The following KDM5B variants were observed in gnomAD, a reference collection of about 807,000 sequenced individuals.
KDM5B encodes lysine-specific demethylase 5B.
Under a neutral mutation model 193.4 loss-of-function variants are expected in KDM5B, and 144 were observed. The observed-to-expected ratio is 0.74, with a 90% CI of 0.65 to 0.86. The LOEUF is 0.86. Among genes scored for constraint, KDM5B ranks in the 40% least tolerant of loss-of-function variants. KDM5B has a pLI of 0.00. For missense variants in KDM5B, 1,833 were observed against 1,886.9 expected (o/e 0.97, Z 0.53); for synonymous variants, 668 against 682.6 (o/e 0.98, Z 0.33).
At chr1:202,801,689 C>G (rs1658082087) in intron 1 of KDM5B, among the ~76,000 whole-genome samples, 1 of 151,914 alleles carries the variant, frequency 6.6e-6, no homozygotes. Flanking sequence ...TGCAAGGACA[C>G]AGCAGTTAAT....
At chr1:202,789,004 C>T (rs1488867528) in intron 1 of KDM5B, among the ~76,000 whole-genome samples, 1 of 152,138 alleles carries the variant, frequency 6.6e-6, no homozygotes, top group Non-Finnish European at 1.5e-5. Context: ...AACACCCAAA[C>T]CTACCTGGGC....
At chr1:202,740,120 C>G (rs1572712079) in intron 20 of KDM5B, among the ~76,000 whole-genome samples, 1 of 149,890 alleles carries the variant, frequency 6.7e-6, no homozygotes, top group Non-Finnish European at 1.5e-5. Context: ...CCCCCCACCT[C>G]CCTCCCGGAC....
chr1:202,740,325 A>C (rs1572712462), intron 20 of KDM5B, among the ~76,000 whole-genome samples: 1 of 119,824 alleles, frequency 8.3e-6, no homozygotes. Context: ...GGCGCCCCTC[A>C]CCTCCCGGAC....
intron 1 of KDM5B, among the ~76,000 whole-genome samples, chr1:202,788,105 C>A (rs1435824604): frequency 6.6e-6 from 1 of 152,164 alleles, no homozygotes; most frequent in Admixed American, 6.5e-5. Context: ...ATTTAAAACA[C>A]AGCCCTTTCA....
intron 7 of KDM5B, 108 bp downstream of exon 7, chr1:202,762,591 T>C: frequency 1.4e-6 from 1 of 701,732 alleles, no homozygotes; most frequent in Non-Finnish European, 2.6e-6. Flanking sequence ...TTAAACAATC[T>C]TATTTAAGGT....
intron 14 of KDM5B, 190 bp from the exon 15 acceptor site, chr1:202,746,513 G>C (rs1039910256): frequency 2.1e-6 from 1 of 482,118 alleles, no homozygotes; most frequent in African/African-American, 1.9e-5. Flanking sequence ...CATTTGTCTA[G>C]GGAGATCTCC....
chr1:202,784,493 A>G (rs745417875), intron 1 of KDM5B, among the ~76,000 whole-genome samples: 5 of 152,232 alleles, frequency 3.3e-5, no homozygotes, highest in Non-Finnish European at 5.9e-5. Flanking sequence ...ACTTTAATAT[A>G]AAGATCAGAA....
At chr1:202,793,365 A>G (rs1040967499) in intron 1 of KDM5B, among the ~76,000 whole-genome samples, 8 of 152,200 alleles carry the variant, frequency 5.3e-5, no homozygotes, top group African/African-American at 1.9e-4. Flanking sequence ...TATCATTACT[A>G]TGGTTATATA....
At chr1:202,734,178 A>T (rs1655007129) in intron 22 of KDM5B, among the ~76,000 whole-genome samples, 1 of 152,036 alleles carries the variant, frequency 6.6e-6, no homozygotes, top group Non-Finnish European at 1.5e-5. Flanking sequence ...AGTTCTCAAA[A>T]AATCTGTCAC....
intron 11 of KDM5B, among the ~76,000 whole-genome samples, chr1:202,753,829 C>G (rs1277528677): frequency 6.6e-6 from 1 of 151,962 alleles, no homozygotes; most frequent in Non-Finnish European, 1.5e-5. Context: ...ACCACCATGC[C>G]CAGCTAATTT....
At chr1:202,761,191 A>T (rs577447737) in intron 7 of KDM5B, among the ~76,000 whole-genome samples, 4 of 152,206 alleles carry the variant, frequency 2.6e-5, no homozygotes, top group African/African-American at 9.6e-5. Context: ...CTGTAATCCC[A>T]ACACTTTTGG....
intron 1 of KDM5B, among the ~76,000 whole-genome samples, chr1:202,795,378 G>A (rs1353714934): frequency 3.3e-5 from 5 of 152,084 alleles, no homozygotes; most frequent in South Asian, 2.1e-4. Flanking sequence ...GAAGCTGGGC[G>A]CAGTGGCTCA....
intron 13 of KDM5B, among the ~76,000 whole-genome samples, chr1:202,749,470 T>C (rs1262200809): frequency 2.0e-5 from 3 of 152,030 alleles, no homozygotes; most frequent in African/African-American, 4.8e-5. Context: ...TGTGGAAGGA[T>C]TGCTTGAGCC....
rs779096495 is a variant in KDM5B, at chr1:202,733,857, C to T, written c.3453G>A (p.Arg1151=). ...AMATLGEARL[R]EMEALQSLRL... The stretch of plus-strand genomic sequence containing the variant: ...TGAGAGACTGCAAGGCTTCCATTTC[C>T]CTTAGGCGAGCTTCCCCAAGAGTTG... Residue 1151 remains arginine, a synonymous_variant, in exon 23 of 27, where the codon AGG becomes AGA. Coordinates refer to ENST00000367265, the MANE Select transcript of KDM5B (RefSeq NM_006618.5). The T allele has an allele frequency of 5.0e-6, 8 of 1,612,178 alleles. No homozygotes were observed. In the South Asian group the frequency reaches 6.6e-5, roughly 13 times the overall value.
At chr1:202,739,248 A>T (rs2102227296) in intron 20 of KDM5B, among the ~76,000 whole-genome samples, 1 of 152,324 alleles carries the variant, frequency 6.6e-6, no homozygotes, top group African/African-American at 2.4e-5. Context: ...TTGTTATGAA[A>T]GACTCCCCAG....
At chr1:202,760,015 C>A (rs978871062) in intron 8 of KDM5B, among the ~76,000 whole-genome samples, 7 of 152,174 alleles carry the variant, frequency 4.6e-5, no homozygotes, top group African/African-American at 1.7e-4. Context: ...ACTGCCAAAT[C>A]TAAAACCCAA....
At chr1:202,761,191 A>G (rs577447737) in intron 7 of KDM5B, among the ~76,000 whole-genome samples, 1 of 152,324 alleles carries the variant, frequency 6.6e-6, no homozygotes, top group Non-Finnish European at 1.5e-5. Flanking sequence ...CTGTAATCCC[A>G]ACACTTTTGG....
intron 21 of KDM5B, among the ~76,000 whole-genome samples, chr1:202,735,890 T>TA (rs1304122320): frequency 6.6e-6 from 1 of 152,182 alleles, no homozygotes; most frequent in Non-Finnish European, 1.5e-5. Flanking sequence ...AAAGCACTTT[T>TA]AAAAAATGGG....
At chr1:202,762,544 C>T (rs1163418287) in intron 7 of KDM5B, among the ~76,000 whole-genome samples, 155 bp downstream of exon 7, 1 of 152,144 alleles carries the variant, frequency 6.6e-6, no homozygotes, top group Non-Finnish European at 1.5e-5. Flanking sequence ...ACACTATAAA[C>T]TGACTTCAGA....
Sources: allele counts gnomAD v4.1 joint callset (sites outside exome capture counted in the v4.1 genomes callset), GRCh38; gene constraint gnomAD v4.1.1; transcripts MANE v1.5; gene names NCBI Gene and HGNC (gene_info 2026-07-23, HGNC 2026-07-21).